Variants in AUTS2 observed in about 807,000 individuals in gnomAD.
AUTS2 encodes autism susceptibility gene 2 protein.
In AUTS2, 17 loss-of-function variants were observed where a neutral mutation model predicts 112.4. The ratio of observed to expected loss-of-function variants is 0.15; its 90% CI spans 0.10 to 0.23. The LOEUF (loss-of-function observed/expected upper bound fraction) is 0.23, where lower values mean the gene tolerates loss of function less well. AUTS2 is among the 10% of genes least tolerant of loss of function. AUTS2 has a pLI of 1.00. For missense variants in AUTS2, 1,510 were observed against 1,701.6 expected (o/e 0.89, Z 1.98); for synonymous variants, 751 against 702.7 (o/e 1.07, Z -1.09).
intron 13 of AUTS2, among the ~76,000 whole-genome samples, chr7:70,776,437 G>A (rs7781211): frequency 0.19 from 29,411 of 152,052 alleles, 3,353 homozygotes; most frequent in East Asian, 0.38. Flanking sequence ...GTGGAGGATG[G>A]ACTTGAGATC....
chr7:70,469,238 A>C (rs560465716), intron 5 of AUTS2, among the ~76,000 whole-genome samples: 1 of 152,352 alleles, frequency 6.6e-6, no homozygotes, highest in African/African-American at 2.4e-5. Flanking sequence ...TGGTGTCTGC[A>C]TGCAATGTCA....
intron 5 of AUTS2, among the ~76,000 whole-genome samples, chr7:70,503,740 A>G (rs751976262): frequency 2.6e-5 from 4 of 151,454 alleles, no homozygotes; most frequent in Non-Finnish European, 5.9e-5. Context: ...GCTGGTCTCA[A>G]ACTCCTAGGA....
chr7:70,668,180 T>C (rs1410096907), intron 5 of AUTS2, among the ~76,000 whole-genome samples: 3 of 152,210 alleles, frequency 2.0e-5, no homozygotes, highest in South Asian at 4.1e-4. Context: ...GGTTTCACCA[T>C]GTTGGCTAGG....
intron 4 of AUTS2, among the ~76,000 whole-genome samples, chr7:70,271,474 T>C (rs1416994104): frequency 2.0e-5 from 3 of 152,166 alleles, no homozygotes; most frequent in Non-Finnish European, 4.4e-5. Context: ...GGTATTATTA[T>C]TGTAATTACG....
chr7:70,254,066 A>G (rs181763671), intron 4 of AUTS2, among the ~76,000 whole-genome samples: 29 of 152,260 alleles, frequency 1.9e-4, no homozygotes, highest in African/African-American at 6.5e-4. Context: ...AGTATTGCTT[A>G]CTTTCTGTCT....
intron 1 of AUTS2, among the ~76,000 whole-genome samples, chr7:69,795,215 T>C (rs1457599115): frequency 6.6e-6 from 1 of 152,162 alleles, no homozygotes; most frequent in Non-Finnish European, 1.5e-5. Context: ...AACAGATGAA[T>C]TTGGTTCAAT....
At chr7:70,145,442 A>G (rs1180757753) in intron 4 of AUTS2, among the ~76,000 whole-genome samples, 2 of 152,166 alleles carry the variant, frequency 1.3e-5, no homozygotes, top group South Asian at 2.1e-4. Context: ...GGATGCATTC[A>G]TGGTAAGCCT....
At chr7:70,644,507 C>G (rs1585428548) in intron 5 of AUTS2, among the ~76,000 whole-genome samples, 1 of 152,164 alleles carries the variant, frequency 6.6e-6, no homozygotes, top group African/African-American at 2.4e-5. Context: ...TCTCCCACAC[C>G]CTTTTCCACA....
chr7:70,097,859 C>T (rs1045286445), intron 2 of AUTS2, among the ~76,000 whole-genome samples: 3 of 152,260 alleles, frequency 2.0e-5, no homozygotes, highest in Non-Finnish European at 2.9e-5. Context: ...GGATAAAGTG[C>T]GGCAGTCTAG....
chr7:69,614,111 C>A (rs142575756), intron 1 of AUTS2, among the ~76,000 whole-genome samples: 25 of 152,266 alleles, frequency 1.6e-4, no homozygotes, highest in Non-Finnish European at 3.2e-4. Flanking sequence ...CATTTCCCCT[C>A]GGCTAAGATG....
intron 5 of AUTS2, among the ~76,000 whole-genome samples, chr7:70,634,217 G>A (rs528044631): frequency 1.9e-4 from 29 of 152,266 alleles, no homozygotes; most frequent in East Asian, 7.7e-4. Context: ...GTGGGAAGGC[G>A]CCATTTGAAA....
chr7:70,720,626 GCCACCAGACTTCTT>G (rs1554470319), intron 6 of AUTS2, among the ~76,000 whole-genome samples: 1 of 152,036 alleles, frequency 6.6e-6, no homozygotes, highest in Non-Finnish European at 1.5e-5. Flanking sequence ...TCTCATCCTG[GCCACCAGACTTCTT>G]CCACCAGGGG....
At chr7:70,724,664 C>G (rs1054814263) in intron 6 of AUTS2, among the ~76,000 whole-genome samples, 11 of 151,890 alleles carry the variant, frequency 7.2e-5, no homozygotes, top group Non-Finnish European at 1.6e-4. Context: ...TCAGGATGGT[C>G]TCGATCTCCT....
intron 4 of AUTS2, among the ~76,000 whole-genome samples, chr7:70,242,796 TG>T (rs147311146): frequency 0.098 from 14,850 of 152,196 alleles, 972 homozygotes; most frequent in Non-Finnish European, 0.14. Flanking sequence ...TTCCCTATGT[TG>T]GGTCTGATTT....
intron 1 of AUTS2, among the ~76,000 whole-genome samples, chr7:69,603,661 G>A (rs1487985077): frequency 6.6e-6 from 1 of 152,210 alleles, no homozygotes; most frequent in African/African-American, 2.4e-5. Context: ...GGAGGCTAAA[G>A]TTGAACATGG....
chr7:70,477,112 C>T (rs1797612046), intron 5 of AUTS2, among the ~76,000 whole-genome samples: 1 of 152,202 alleles, frequency 6.6e-6, no homozygotes, highest in Non-Finnish European at 1.5e-5. Context: ...CTCCCAACAC[C>T]TTTGGACAAT....
chr7:70,527,357 G>T (rs1054841004), intron 5 of AUTS2, among the ~76,000 whole-genome samples: 3 of 151,734 alleles, frequency 2.0e-5, no homozygotes, highest in South Asian at 2.1e-4. Flanking sequence ...TCTTTTTTTG[G>T]GGGGGTTGAA....
At chr7:70,681,510 CAT>C (rs36056063) in intron 5 of AUTS2, among the ~76,000 whole-genome samples, 36,445 of 136,152 alleles carry the variant, frequency 0.27, 4,918 homozygotes, top group East Asian at 0.41. Flanking sequence ...CATCAGTGTA[CAT>C]ATATATATAT....
chr7:70,243,275 G>A (rs76106005), intron 4 of AUTS2, among the ~76,000 whole-genome samples: 20 of 131,620 alleles, frequency 1.5e-4, no homozygotes, highest in Admixed American at 1.0e-3. Context: ...GTGTGTGTGT[G>A]TGTGTATGAG....
Sources: allele counts gnomAD v4.1 joint callset (sites outside exome capture counted in the v4.1 genomes callset), GRCh38; gene constraint gnomAD v4.1.1; transcripts MANE v1.5; gene names NCBI Gene and HGNC (gene_info 2026-07-23, HGNC 2026-07-21).